DAB1: variants seen among roughly 807,000 people sequenced by gnomAD.
DAB1 encodes the protein DAB adaptor protein 1, also known as disabled homolog 1.
Under a neutral mutation model 64.6 loss-of-function variants are expected in DAB1, and 15 were observed. The ratio of observed to expected loss-of-function variants is 0.23; its 90% confidence interval spans 0.16 to 0.36. The LOEUF is 0.36. DAB1 is among the 10% of genes least tolerant of loss of function. The probability of loss-of-function intolerance (pLI) is 1.00; values close to 1 mark genes in which losing one functional copy is unlikely to be tolerated. For missense variants in DAB1, 596 were observed against 706.7 expected (o/e 0.84, Z 1.78); for synonymous variants, 235 against 251.9 (o/e 0.93, Z 0.64).
At chr1:58,150,837 C>A (rs987313319) in intron 4 of DAB1, among the ~76,000 whole-genome samples, 1 of 152,082 alleles carries the variant, frequency 6.6e-6, no homozygotes, top group South Asian at 2.1e-4. Context: ...TTCCCTCCCC[C>A]CACCGTCCCC....
intron 4 of DAB1, among the ~76,000 whole-genome samples, chr1:57,099,445 T>A (rs1654466703): frequency 6.6e-6 from 1 of 152,220 alleles, no homozygotes. Context: ...TCACGGGTAC[T>A]CAATAAATGT....
At chr1:57,097,935 G>A (rs537159) in intron 4 of DAB1, among the ~76,000 whole-genome samples, 21,170 of 151,862 alleles carry the variant, frequency 0.14, 1,876 homozygotes, top group Middle Eastern at 0.25. Flanking sequence ...CCACCGCCAC[G>A]CTTGGCTAAT....
At chr1:57,406,328 A>G (rs1349970765) in intron 1 of DAB1, among the ~76,000 whole-genome samples, 1 of 152,116 alleles carries the variant, frequency 6.6e-6, no homozygotes, top group African/African-American at 2.4e-5. Flanking sequence ...ATTCATCCCT[A>G]TATCTTATTT....
chr1:57,552,496 C>T lies in DAB1; in HGVS notation n.625+97096G>A, dbSNP rs532196724. Among the ~76,000 whole-genome samples the T allele has an allele frequency of 2.0e-5, 3 of 152,270 alleles. No homozygotes were observed. The South Asian group carries it at 6.2e-4, about 32-fold the overall frequency. ...GGCTTCTATTCTCCATTTGTGAAGT[C>T]TGGGTATAGTTCCTGGAAGATAGGA... is the stretch of plus-strand genomic sequence containing the variant. On this transcript the variant is annotated intron_variant and non_coding_transcript_variant, in intron 7 of 20. Transcript: ENST00000485760.
chr1:57,984,193 A>AAAGAAAGAAAGG, intron 5 of DAB1, among the ~76,000 whole-genome samples: 1 of 69,222 alleles, frequency 1.4e-5, no homozygotes, highest in Admixed American at 1.5e-4. Context: ...AAAAAGAAAG[A>AAAGAAAGAAAGG]AAGAAAGAAA....
intron 4 of DAB1, among the ~76,000 whole-genome samples, chr1:58,195,731 G>A (rs1005342571): frequency 1.3e-5 from 2 of 152,152 alleles, no homozygotes; most frequent in African/African-American, 4.8e-5. Flanking sequence ...AGTCTATAAA[G>A]TGCAACACAT....
intron 3 of DAB1, among the ~76,000 whole-genome samples, chr1:58,483,365 G>A (rs527603174): frequency 1.1e-4 from 17 of 152,190 alleles, no homozygotes; most frequent in Non-Finnish European, 2.2e-4. Context: ...ACAGGAGAGA[G>A]GGACTTGTAG....
chr1:57,875,361 C>T (rs576007219), intron 1 of DAB1, among the ~76,000 whole-genome samples: 25 of 152,270 alleles, frequency 1.6e-4, no homozygotes, highest in African/African-American at 5.8e-4. Flanking sequence ...CTTTTCAGCT[C>T]TTTTTCAGCT....
chr1:58,505,162 G>A (rs1218581614), intron 3 of DAB1, among the ~76,000 whole-genome samples: 3 of 152,132 alleles, frequency 2.0e-5, no homozygotes, highest in Non-Finnish European at 4.4e-5. Flanking sequence ...CCGTTGGCCA[G>A]GCTGGTCTCG....
intron 5 of DAB1, among the ~76,000 whole-genome samples, chr1:58,091,205 CTG>C (rs1476841298): frequency 6.6e-6 from 1 of 152,190 alleles, no homozygotes; most frequent in Non-Finnish European, 1.5e-5. Flanking sequence ...ATAAAGCACT[CTG>C]TTTCGTTAGT....
chr1:58,029,460 CA>C (rs1160917020), intron 5 of DAB1, among the ~76,000 whole-genome samples: 1 of 152,142 alleles, frequency 6.6e-6, no homozygotes, highest in Non-Finnish European at 1.5e-5. Flanking sequence ...TATTGACGAA[CA>C]GGGGTGTTGT....
intron 7 of DAB1, among the ~76,000 whole-genome samples, chr1:57,612,471 G>C (rs1270669473): frequency 1.3e-5 from 2 of 152,096 alleles, no homozygotes; most frequent in East Asian, 1.9e-4. Context: ...CAGGATCAGA[G>C]TCAGAGAGAG....
chr1:57,143,111 AT>A (rs1379895671), intron 3 of DAB1, among the ~76,000 whole-genome samples: 6 of 152,096 alleles, frequency 3.9e-5, no homozygotes, highest in Non-Finnish European at 8.8e-5. Context: ...TTTCTGTGCA[AT>A]TTGCCTGCTG....
chr1:58,228,931 T>C (rs1385290931), intron 4 of DAB1: 4 of 480,624 alleles, frequency 8.3e-6, no homozygotes, highest in Non-Finnish European at 1.2e-5. Flanking sequence ...CAATCAAATA[T>C]GCTGCTAGAT....
At chr1:57,600,408 C>T (rs1645563278) in intron 7 of DAB1, among the ~76,000 whole-genome samples, 1 of 152,194 alleles carries the variant, frequency 6.6e-6, no homozygotes, top group South Asian at 2.1e-4. Context: ...GAAAGCTTTA[C>T]ACAAATAATT....
intron 5 of DAB1, among the ~76,000 whole-genome samples, chr1:57,952,742 C>T (rs1421975066): frequency 1.3e-5 from 2 of 152,154 alleles, no homozygotes; most frequent in Non-Finnish European, 2.9e-5. Context: ...ACATTCCTCT[C>T]ATTCCAATTC....
chr1:58,256,685 G>C (rs1474353962), intron 4 of DAB1, among the ~76,000 whole-genome samples: 1 of 152,196 alleles, frequency 6.6e-6, no homozygotes, highest in Non-Finnish European at 1.5e-5. Context: ...CCACTAGTCT[G>C]TGAGATCCTT....
At chr1:57,345,735 A>C (rs1678024216) in intron 1 of DAB1, among the ~76,000 whole-genome samples, 1 of 152,226 alleles carries the variant, frequency 6.6e-6, no homozygotes. Context: ...TCTGATTAAA[A>C]TGTACCACCA....
intron 5 of DAB1, among the ~76,000 whole-genome samples, chr1:58,094,581 A>T (rs1186537076): frequency 6.6e-6 from 1 of 152,244 alleles, no homozygotes; most frequent in African/African-American, 2.4e-5. Flanking sequence ...AAGTGAAGTT[A>T]AACGTAGTAT....
Sources: gnomAD v4.1 joint callset for allele counts (sites outside exome capture counted in the v4.1 genomes callset) on GRCh38, gnomAD v4.1.1 for gene constraint, MANE v1.5 for transcripts, NCBI Gene and HGNC (gene_info 2026-07-23, HGNC 2026-07-21) for gene names.